CILP2: variants seen among roughly 807,000 people sequenced by gnomAD.
CILP2 encodes CILP-2.
Under a neutral mutation model 45.6 loss-of-function variants are expected in CILP2, and 38 were observed. The ratio of observed to expected loss-of-function variants is 0.83; its 90% CI spans 0.64 to 1.09. The LOEUF is 1.09. Ranked by LOEUF, CILP2 falls within the 50% of genes least tolerant of loss-of-function variation. CILP2 has a pLI of 0.00. For synonymous variants in CILP2, 780 were observed against 723.5 expected, an observed-to-expected ratio of 1.08 and a Z score of -1.25; for missense variants, 1,735 against 1,662.2, an observed-to-expected ratio of 1.04 and a Z score of -0.76.
Position 19,542,505 on chromosome 19 carries a change from T to G in CILP2, c.723T>G (p.Asp241Glu), listed in dbSNP as rs1261662310. 4 of 1,613,846 alleles carry G rather than the reference T, an allele frequency of 2.5e-6. No homozygotes were observed. Among genetic ancestry groups the G allele is most frequent in the African/African-American group, 2.7e-5 (2 of 74,930 alleles). ...RDQPGTVATS[D>E]AHGTFRVPGV... is the part of the protein sequence containing the mutation. ...AGCCTGGCACTGTGGCCACCAGCGA[T>G]GCTCACGGAACCTTCCGGGTGCCTG... The change falls in exon 5 of 8, where the codon GAT becomes GAG. Residue 241 changes from aspartate to glutamate, a missense_variant. Transcript: ENST00000291495.
Position 19,542,440 on chromosome 19 carries a change from G to T in CILP2, c.658G>T (p.Gly220Trp). 6.2e-7 allele frequency: 1 copy of T among 1,612,206 alleles called. No individual in the cohort carries two copies. ...CCTGGGCTCGGTGGTCACCCCATCT[G>T]GGCAACCACTGCTAGGAGCCAGGGT... ...ILLGSVVTPS[G>W]QPLLGARVSL... The change falls in exon 5 of 8, where the codon GGG becomes TGG. Residue 220 changes from glycine (G) to tryptophan (W), a missense_variant. Physicochemically the swap from Gly to Trp is radical, Grantham distance 184. Transcript: ENST00000291495.
At position 19,544,877 on chromosome 19, in the gene CILP2, T is replaced by TGG. The variant is rs762645493; in HGVS notation, c.2335_2336dup (p.Arg780AlafsTer114). ...CGGCTTCTCCGCCAACCCCCGTGCC[T>TGG]GGGGCCGCTTTGACAGCGCGGTCAC... On this transcript the variant is annotated frameshift_variant, in exon 8 of 8. Transcript: ENST00000291495. LOFTEE classifies it low-confidence loss of function (END_TRUNC). 3 of 1,590,506 alleles carry TGG rather than the reference T, an allele frequency of 1.9e-6. No homozygotes were observed. The East Asian group carries it at 6.7e-5, about 36-fold the overall frequency.
rs1195624152 is a variant in CILP2 at position 19,545,946 on chromosome 19, G to T, written c.3401G>T (p.Ser1134Ile). 1 of 1,560,146 alleles carries T rather than the reference G, an allele frequency of 6.4e-7. No individual in the cohort carries two copies. The highest frequency in any genetic ancestry group is 1.8e-4 in the Middle Eastern group (1 of 5,670). ...TALGDIRREM[S>I]EAAQAQARAS... Reference sequence around the variant, plus strand: ...CTTGGTGACATCCGCAGGGAGATGAGCGAGGCGGCGCAGGCACAGGCCCGG... The same window carrying T: ...CTTGGTGACATCCGCAGGGAGATGATCGAGGCGGCGCAGGCACAGGCCCGG... The change falls in exon 8 of 8, where the codon AGC (serine) becomes ATC (isoleucine). Residue 1134 changes from serine to isoleucine, a missense_variant. Physicochemically the swap from Ser to Ile is moderately radical, Grantham distance 142. Transcript: ENST00000291495.
chr19:19,539,180 G>A (rs1600375123), intron 1 of CILP2, among the ~76,000 whole-genome samples: 1 of 152,282 alleles, frequency 6.6e-6, no homozygotes, highest in East Asian at 1.9e-4. Flanking sequence ...TGGTGGTCAT[G>A]GGCAGCGCGC....
rs2061257894 is a variant in CILP2 at position 19,544,856 on chromosome 19, T to G, written c.2311T>G (p.Phe771Val). ...GGTCAATCTGGAGCCCGCCCCCGGC[T>G]TCTCCGCCAACCCCCGTGCCTGGGG... ...TLVNLEPAPGFSANPRAWGRF... is the reference protein window; with the variant it reads ...TLVNLEPAPGVSANPRAWGRF... The change falls in exon 8 of 8, where the codon TTC becomes GTC. Residue 771 changes from phenylalanine to valine, a missense_variant. Physicochemically the swap from Phe to Val is conservative, Grantham distance 50 (BLOSUM62 -1). Coordinates refer to ENST00000291495, the MANE Select transcript of CILP2 (RefSeq NM_153221.2). The G allele has an allele frequency of 1.9e-6, 3 of 1,597,220 alleles. No homozygotes were observed. The East Asian group carries it at 6.7e-5, about 36-fold the overall frequency.
Position 19,542,570 on chromosome 19 carries a change from T to C in CILP2, c.788T>C (p.Met263Thr), listed in dbSNP as rs745879016. The change falls in exon 5 of 8, where the codon ATG (methionine) becomes ACG (threonine). Residue 263 changes from methionine to threonine, a missense_variant. Transcript: ENST00000291495. Reference sequence around the variant, plus strand: ...AGCCGCGCCAACATCAGGGCCCAGATGGATGGCTTCTCTGCAGGGGAGGCC... The same window carrying C: ...AGCCGCGCCAACATCAGGGCCCAGACGGATGGCTTCTCTGCAGGGGAGGCC... The part of the protein sequence containing the change: ...ADSRANIRAQ[M>T]DGFSAGEAQA... 6.2e-6 allele frequency: 10 copies of C among 1,614,082 alleles called. No individual in the cohort carries two copies. The highest frequency in any genetic ancestry group is 8.5e-6 in the Non-Finnish European group (10 of 1,180,030).
At chr19:19,538,903 A>G (rs1237624912) in intron 1 of CILP2, among the ~76,000 whole-genome samples, 1 of 152,226 alleles carries the variant, frequency 6.6e-6, no homozygotes, top group African/African-American at 2.4e-5. Flanking sequence ...TGGAGAAGCC[A>G]GTCTAGATTC....
In CILP2 at chr19:19,544,709, C is replaced by T. The variant is rs747755689; in HGVS notation, c.2164C>T (p.Arg722Trp). 2 of 1,589,590 alleles carry T rather than the reference C, an allele frequency of 1.3e-6. No individual in the cohort carries two copies. Among genetic ancestry groups the T allele is most frequent in the Non-Finnish European group, 1.7e-6 (2 of 1,172,632 alleles). Reference protein sequence around the residue: ...RVFLVGNVEIRERRLFNLDVP... With the variant: ...RVFLVGNVEIWERRLFNLDVP... ...CTTCCTGGTGGGCAACGTGGAGATCCGGGAGCGGCGCCTGTTCAATCTGGA... is the reference window on the plus strand; with the variant it reads ...CTTCCTGGTGGGCAACGTGGAGATCTGGGAGCGGCGCCTGTTCAATCTGGA... The change falls in exon 8 of 8, where the codon CGG becomes TGG. Residue 722 changes from arginine (R) to tryptophan (W), a missense_variant. Physicochemically the swap from Arg to Trp is moderately radical, Grantham distance 101. Coordinates refer to ENST00000291495, the MANE Select transcript of CILP2 (RefSeq NM_153221.2).
chr19:19,544,431 A>G lies in CILP2; in HGVS notation c.1886A>G (p.Asp629Gly). The change falls in exon 8 of 8, where the codon GAC (aspartate) becomes GGC (glycine). Residue 629 changes from aspartate (D) to glycine (G), a missense_variant. Coordinates refer to ENST00000291495, the MANE Select transcript of CILP2 (RefSeq NM_153221.2). ...GCCCCCAGTGACCTGCGCTTCGTGG[A>G]CAGCGACGGCGAGCTGGCTCCACTG... ...ASAPSDLRFV[D>G]SDGELAPLRT... 1 of 1,609,298 alleles carries G rather than the reference A, an allele frequency of 6.2e-7. No homozygotes were observed. The highest frequency in any genetic ancestry group is 8.5e-7 in the Non-Finnish European group (1 of 1,179,616).
chr19:19,545,613 TC>T lies in CILP2; in HGVS notation c.3069del (p.Asn1024ThrfsTer8). ...MPQGSCRRVA[V>X]NGLLRDYLTR... ...CAGGGCAGCTGCCGGCGCGTGGCCG[TC>T]AACGGACTCCTTCGGGATTACCTGA... On this transcript the variant is annotated frameshift_variant, in exon 8 of 8. Coordinates refer to ENST00000291495, the MANE Select transcript of CILP2 (RefSeq NM_153221.2). LOFTEE classifies it low-confidence loss of function (END_TRUNC). 1 of 1,608,386 alleles carries T rather than the reference TC, an allele frequency of 6.2e-7. No homozygotes were observed. Among genetic ancestry groups the T allele is most frequent in the Non-Finnish European group, 8.5e-7 (1 of 1,177,134 alleles).
At position 19,540,194 on chromosome 19, in the gene CILP2, G is replaced by A. The variant is rs779635746; in HGVS notation, c.164-10G>A. 6.4e-7 allele frequency: 1 copy of A among 1,570,616 alleles called. No individual in the cohort carries two copies. Among genetic ancestry groups the A allele is most frequent in the East Asian group, 2.3e-5 (1 of 43,008 alleles). On this transcript the variant is annotated splice_polypyrimidine_tract_variant and intron_variant, in intron 2 of 7. Transcript: ENST00000291495. ...CGCCGCCCTGGTCCCAGCGCGTGCG[G>A]TGCCCGCAGAGGCCAGCGAGTGGAC... is the stretch of plus-strand genomic sequence containing the variant.
Position 19,546,018 on chromosome 19 carries a change from C to T in CILP2, c.*2C>T. 1 of 1,469,492 alleles carries T rather than the reference C, an allele frequency of 6.8e-7. No homozygotes were observed. The highest frequency in any genetic ancestry group is 1.4e-5 in the South Asian group (1 of 70,432). The allele number at this position is 1,469,492 out of a possible 1,614,324, so 91.0% of individuals were successfully genotyped here. On this transcript the variant is annotated 3_prime_UTR_variant, in exon 8 of 8. Coordinates refer to ENST00000291495, the MANE Select transcript of CILP2 (RefSeq NM_153221.2). ...CGCCGGGGTAGGGTCCGGCAGTGAC[C>T]TGGGCAGGGGCCTCGCTTTCCCACC...
intron 5 of CILP2, 97 bp from the exon 6 acceptor site, chr19:19,542,762 ACAGAG>A: frequency 6.3e-7 from 1 of 1,580,858 alleles, no homozygotes. Flanking sequence ...TGGCGAAGGC[ACAGAG>A]TGAGTCGGCA....
chr19:19,545,693 GC>G lies in CILP2; in HGVS notation c.3154del (p.Leu1052Ter), dbSNP rs1434436891. 1.1e-5 allele frequency: 17 copies of G among 1,612,280 alleles called. No homozygotes were observed. The highest frequency in any genetic ancestry group is 1.4e-5 in the Non-Finnish European group (17 of 1,179,502). ...AEDPAAFSML[A>X]PLDPLGHNYG... ...GGACCCAGCTGCCTTCTCCATGCTG[GC>G]CCCCCTAGACCCTCTGGGCCACAAC... is the stretch of plus-strand genomic sequence containing the variant. On this transcript the variant is annotated frameshift_variant, in exon 8 of 8. Coordinates refer to ENST00000291495, the MANE Select transcript of CILP2 (RefSeq NM_153221.2). LOFTEE classifies it low-confidence loss of function (END_TRUNC).
In CILP2 at chr19:19,542,314, GC is replaced by G. The variant is rs2061247358; in HGVS notation, c.593-58del. 7 of 1,525,364 alleles carry G rather than the reference GC, an allele frequency of 4.6e-6. No homozygotes were observed. The Admixed American group carries it at 1.2e-4, about 26-fold the overall frequency. The allele number at this position is 1,525,364 out of a possible 1,614,324, so 94.5% of individuals were successfully genotyped here. On this transcript the variant is annotated intron_variant, in intron 4 of 7. Transcript: ENST00000291495. The stretch of plus-strand genomic sequence containing the variant: ...TGTTGAGTGACTGATTGAATGGAAA[GC>G]CCTCCTCAGGAGGGAGTGTGAAGGT...
intron 3 of CILP2, 21 bp downstream of exon 3, chr19:19,540,497 C>CG: frequency 2.1e-6 from 1 of 466,576 alleles, no homozygotes; most frequent in Non-Finnish European, 2.5e-6. Context: ...GGCTGGATGA[C>CG]GGGGGCGGGG....
At chr19:19,542,318 T>A (rs2061247375) in intron 4 of CILP2, 57 bp from the exon 5 acceptor site, 1 of 1,544,452 alleles carries the variant, frequency 6.5e-7, no homozygotes, top group Non-Finnish European at 8.7e-7. Flanking sequence ...TGGAAAGCCC[T>A]CCTCAGGAGG....
In CILP2 at chr19:19,545,269, G is replaced by A. The variant is rs371976341; in HGVS notation, c.2724G>A (p.Glu908=). The change falls in exon 8 of 8, where the codon GAG becomes GAA. Residue 908 remains glutamate, a synonymous_variant. Transcript: ENST00000291495. The part of the protein sequence containing the change: ...RFARVEADKY[E]YNVVPFREGT... The stretch of plus-strand genomic sequence containing the variant: ...CCAGGGTGGAGGCGGACAAGTACGA[G>A]TACAACGTGGTCCCCTTCCGAGAGG... 2.5e-6 allele frequency: 4 copies of A among 1,612,802 alleles called. No individual in the cohort carries two copies. The highest frequency in any genetic ancestry group is 3.4e-6 in the Non-Finnish European group (4 of 1,179,904).
chr19:19,543,866 C>G lies in CILP2; in HGVS notation c.1321C>G (p.Arg441Gly). The change falls in exon 8 of 8, where the codon CGC becomes GGC. Residue 441 changes from arginine (R) to glycine (G), a missense_variant. Transcript: ENST00000291495. ...GDASSRCCSVRRLERREIHCP... is the reference protein window; with the variant it reads ...GDASSRCCSVGRLERREIHCP... ...CGCCAGCTCCCGCTGCTGCTCTGTG[C>G]GCCGTCTGGAGAGAAGGGAGATTCA... 6.2e-7 allele frequency: 1 copy of G among 1,613,898 alleles called. No individual in the cohort carries two copies. The highest frequency in any genetic ancestry group is 8.5e-7 in the Non-Finnish European group (1 of 1,179,852).
Sources: gnomAD v4.1 joint callset for allele counts (sites outside exome capture counted in the v4.1 genomes callset) on GRCh38, gnomAD v4.1.1 for gene constraint, MANE v1.5 for transcripts, NCBI Gene and HGNC (gene_info 2026-07-23, HGNC 2026-07-21) for gene names.